The following PLD5 variants were observed in gnomAD, a reference collection of about 807,000 sequenced individuals.
PLD5 encodes phospholipase D family member 5, also known as inactive phospholipase D5.
In PLD5, 36 loss-of-function variants were observed where a neutral mutation model predicts 61.1. The ratio of observed to expected loss-of-function variants is 0.59; its 90% CI spans 0.45 to 0.78. PLD5 has a LOEUF of 0.78. PLD5 is among the 30% of genes least tolerant of loss of function. The pLI, the probability that PLD5 is intolerant of heterozygous loss-of-function variation, is 0.00. For missense variants in PLD5, 515 were observed against 644.4 expected (o/e 0.80, Z 2.17); for synonymous variants, 243 against 242.8 (o/e 1.00, Z -0.01).
intron 5 of PLD5, among the ~76,000 whole-genome samples, chr1:242,153,588 A>T (rs553758634): frequency 1.3e-5 from 2 of 152,260 alleles, no homozygotes; most frequent in African/African-American, 4.8e-5. Flanking sequence ...CAGTTTTCCC[A>T]GCACCATTTA....
intron 1 of PLD5, among the ~76,000 whole-genome samples, chr1:242,419,994 A>G (rs945447653): frequency 1.3e-5 from 2 of 152,156 alleles, no homozygotes; most frequent in Non-Finnish European, 2.9e-5. Context: ...AGACCCAGAA[A>G]TAAGACTATA....
chr1:242,319,660 G>A (rs1212505889), intron 2 of PLD5, among the ~76,000 whole-genome samples: 4 of 152,162 alleles, frequency 2.6e-5, no homozygotes, highest in South Asian at 2.1e-4. Context: ...TACCCTGACC[G>A]TGTAAATTCA....
chr1:242,405,124 A>G (rs1433557922), intron 1 of PLD5, among the ~76,000 whole-genome samples: 6 of 151,782 alleles, frequency 4.0e-5, no homozygotes, highest in African/African-American at 1.2e-4. Flanking sequence ...CCAGTGATTC[A>G]CCTGCCTTGG....
chr1:242,280,694 G>A (rs991281330), intron 3 of PLD5, among the ~76,000 whole-genome samples: 12 of 151,962 alleles, frequency 7.9e-5, no homozygotes, highest in Non-Finnish European at 1.8e-4. Flanking sequence ...TCTTTTTCCA[G>A]GCAAAATGAA....
chr1:242,193,646 G>C (rs184668588), intron 5 of PLD5, among the ~76,000 whole-genome samples: 2 of 152,276 alleles, frequency 1.3e-5, no homozygotes, highest in Admixed American at 1.3e-4. Flanking sequence ...CATTCATTAG[G>C]GTGTCATCTG....
At chr1:242,433,070 G>A (rs1347906993) in intron 1 of PLD5, among the ~76,000 whole-genome samples, 2 of 152,048 alleles carry the variant, frequency 1.3e-5, no homozygotes, top group African/African-American at 4.8e-5. Context: ...ACACAAAACC[G>A]TAGAGGGGAA....
intron 1 of PLD5, among the ~76,000 whole-genome samples, chr1:242,371,931 T>C (rs1661659882): frequency 6.6e-6 from 1 of 152,170 alleles, no homozygotes. Context: ...GTTTGCTACA[T>C]AGGTATATAT....
At chr1:242,194,619 T>TA (rs1425647235) in intron 5 of PLD5, among the ~76,000 whole-genome samples, 11 of 42,956 alleles carry the variant, frequency 2.6e-4, no homozygotes, top group African/African-American at 9.1e-4. Flanking sequence ...TCTATCTATG[T>TA]ATCTATCTAT....
At chr1:242,118,645 A>C (rs1403662282) in intron 6 of PLD5, among the ~76,000 whole-genome samples, 4 of 152,168 alleles carry the variant, frequency 2.6e-5, no homozygotes, top group Non-Finnish European at 5.9e-5. Flanking sequence ...GTATTTCCAA[A>C]CCTGTGTCAA....
intron 5 of PLD5, among the ~76,000 whole-genome samples, chr1:242,183,903 T>TA (rs1242517590): frequency 6.8e-6 from 1 of 147,726 alleles, no homozygotes; most frequent in Non-Finnish European, 1.5e-5. Flanking sequence ...TCAAAATAAA[T>TA]AAATAAATAA....
Position 242,460,134 on chromosome 1 carries a change from T to A in PLD5, c.189+63954A>T, listed in dbSNP as rs375337332. Among the ~76,000 whole-genome samples, 26 of 152,318 alleles carry A rather than the reference T, an allele frequency of 1.7e-4. 1 individual carries two copies. The highest frequency in any genetic ancestry group is 6.0e-4 in the African/African-American group (25 of 41,568). ...GACACACACACTATATTGTAAATTC[T>A]TATCTCTGTATACTGTACTTCTACA... On this transcript the variant is annotated intron_variant, in intron 1 of 9. Transcript: ENST00000536534.
At chr1:242,189,378 A>G (rs1044441079) in intron 5 of PLD5, among the ~76,000 whole-genome samples, 1 of 146,884 alleles carries the variant, frequency 6.8e-6, no homozygotes, top group Admixed American at 6.9e-5. Context: ...CCCAGAAGGC[A>G]GAGGTTGCAG....
At chr1:242,476,509 G>A (rs1476387580) in intron 1 of PLD5, among the ~76,000 whole-genome samples, 1 of 152,146 alleles carries the variant, frequency 6.6e-6, no homozygotes, top group Non-Finnish European at 1.5e-5. Flanking sequence ...ACTGGTATCA[G>A]GATTAATTGA....
At chr1:242,331,072 T>C (rs1460140308) in intron 2 of PLD5, among the ~76,000 whole-genome samples, 3 of 152,210 alleles carry the variant, frequency 2.0e-5, no homozygotes, top group Non-Finnish European at 1.5e-5. Flanking sequence ...CTGGGTCAGA[T>C]ATGCTATTTC....
At chr1:242,506,212 A>G (rs144279831) in intron 1 of PLD5, among the ~76,000 whole-genome samples, 75 of 152,318 alleles carry the variant, frequency 4.9e-4, no homozygotes, top group African/African-American at 1.8e-3. Context: ...ATGATGAACC[A>G]ATTGAAAATA....
At chr1:242,287,214 G>A (rs1261985996) in intron 3 of PLD5, among the ~76,000 whole-genome samples, 4 of 152,154 alleles carry the variant, frequency 2.6e-5, no homozygotes, top group Non-Finnish European at 4.4e-5. Context: ...TACCAGATAT[G>A]TGAGGAAAGC....
intron 5 of PLD5, among the ~76,000 whole-genome samples, chr1:242,179,094 C>G (rs1288203281): frequency 1.3e-5 from 2 of 152,194 alleles, no homozygotes; most frequent in Non-Finnish European, 2.9e-5. Context: ...AGGTGAGCCA[C>G]TCATGCAGAG....
chr1:242,294,927 T>C (rs183062865), intron 2 of PLD5, among the ~76,000 whole-genome samples: 6 of 152,314 alleles, frequency 3.9e-5, no homozygotes, highest in African/African-American at 1.4e-4. Context: ...ACTGTGAGCT[T>C]TCTTTTGTTG....
intron 1 of PLD5, among the ~76,000 whole-genome samples, chr1:242,439,400 T>C (rs927746397): frequency 2.0e-5 from 3 of 152,158 alleles, no homozygotes; most frequent in African/African-American, 7.2e-5. Flanking sequence ...GGCACGTTCA[T>C]AGGAAGTTTT....
Sources: allele counts gnomAD v4.1 joint callset (sites outside exome capture counted in the v4.1 genomes callset), GRCh38; gene constraint gnomAD v4.1.1; transcripts MANE v1.5; gene names NCBI Gene and HGNC (gene_info 2026-07-23, HGNC 2026-07-21).